Variants in ABCA13 observed in about 807,000 individuals in gnomAD.
ABCA13 encodes ATP binding cassette subfamily A member 13.
Under a neutral mutation model 478.7 loss-of-function variants are expected in ABCA13, and 476 were observed. The ratio of observed to expected loss-of-function variants is 0.99; its 90% confidence interval spans 0.92 to 1.07. The LOEUF is 1.07. Ranked by LOEUF, ABCA13 falls within the 50% of genes least tolerant of loss-of-function variation. The probability of loss-of-function intolerance (pLI) is 0.00; values close to 1 mark genes in which losing one functional copy is unlikely to be tolerated. For missense variants in ABCA13, 6,060 were observed against 5,910.6 expected (o/e 1.03, Z -0.83); for synonymous variants, 2,252 against 2,158.9 (o/e 1.04, Z -1.20).
intron 1 of ABCA13, among the ~76,000 whole-genome samples, chr7:48,192,727 C>A (rs1797266434): frequency 6.6e-6 from 1 of 151,866 alleles, no homozygotes; most frequent in Non-Finnish European, 1.5e-5. Flanking sequence ...TAAAAATGTG[C>A]AGAAAAAGGA....
intron 58 of ABCA13, among the ~76,000 whole-genome samples, chr7:48,606,351 T>C (rs1026914187): frequency 9.9e-5 from 15 of 152,190 alleles, no homozygotes; most frequent in African/African-American, 3.6e-4. Flanking sequence ...TCTTCATGGA[T>C]TTATCTACCT....
At chr7:48,508,774 GC>G (rs1831430495) in intron 50 of ABCA13, among the ~76,000 whole-genome samples, 1 of 152,176 alleles carries the variant, frequency 6.6e-6, no homozygotes, top group African/African-American at 2.4e-5. Context: ...CATTTACTGA[GC>G]ACCTTCCATG....
At chr7:48,197,663 TGGTTGGGG>T (rs1315022437) in intron 2 of ABCA13, among the ~76,000 whole-genome samples, 1,902 of 152,196 alleles carry the variant, frequency 0.012, 18 homozygotes, top group Admixed American at 0.02. Context: ...AGGGAGGATA[TGGTTGGGG>T]ATGTGTAAAC....
At chr7:48,295,674 AC>A in intron 20 of ABCA13, 25 bp from the exon 21 acceptor site, 1 of 1,613,280 alleles carries the variant, frequency 6.2e-7, no homozygotes, top group Non-Finnish European at 8.5e-7. Flanking sequence ...TGTGCTTCTA[AC>A]CTATATCATT....
Position 48,352,061 on chromosome 7 carries a change from A to C in ABCA13, c.10382-120A>C, listed in dbSNP as rs1394272970. 3.1e-6 allele frequency: 3 copies of C among 967,882 alleles called. No homozygotes were observed. In the East Asian group the frequency reaches 7.4e-5, roughly 24 times the overall value. The allele number at this position is 967,882 out of a possible 1,614,324, so 60.0% of individuals were successfully genotyped here. A position where few individuals can be genotyped will look rare whatever the true frequency, so the allele number is the denominator to read the frequency against. On this transcript the variant is annotated intron_variant, in intron 30 of 61. Transcript: ENST00000435803. The stretch of plus-strand genomic sequence containing the variant: ...CTGCGGGCTGGGGCTCTGAGTCTGC[A>C]GGAGTGGAGGGCTGTGAGTCTCAGG...
intron 52 of ABCA13, among the ~76,000 whole-genome samples, chr7:48,519,456 G>C (rs191521894): frequency 6.6e-6 from 1 of 152,254 alleles, no homozygotes; most frequent in Non-Finnish European, 1.5e-5. Flanking sequence ...ACAAATTATA[G>C]TGTTAATTAA....
At chr7:48,415,325 G>A (rs923530624) in intron 41 of ABCA13, among the ~76,000 whole-genome samples, 4 of 152,040 alleles carry the variant, frequency 2.6e-5, no homozygotes, top group Non-Finnish European at 5.9e-5. Context: ...AATTTTTTTG[G>A]GGGGTTATCG....
intron 43 of ABCA13, among the ~76,000 whole-genome samples, chr7:48,463,469 G>A (rs905229752): frequency 6.6e-6 from 1 of 152,146 alleles, no homozygotes; most frequent in East Asian, 1.9e-4. Context: ...AGAGAGGGGA[G>A]GCTGAGGTCT....
chr7:48,338,299 A>G (rs994756585), intron 28 of ABCA13, 66 bp from the exon 29 acceptor site: 13 of 1,183,884 alleles, frequency 1.1e-5, no homozygotes, highest in African/African-American at 1.1e-4. Flanking sequence ...AATAAGTCTA[A>G]TAAGTATTAT....
Position 48,274,125 on chromosome 7 carries a change from G to A in ABCA13, c.4459G>A (p.Glu1487Lys). 6.2e-7 allele frequency: 1 copy of A among 1,607,006 alleles called. No individual in the cohort carries two copies. The highest frequency in any genetic ancestry group is 8.5e-7 in the Non-Finnish European group (1 of 1,176,478). The change falls in exon 17 of 62, where the codon GAG becomes AAG. Residue 1487 changes from glutamate to lysine, a missense_variant. Transcript: ENST00000435803. ...VFEKEKKPKF[E>K]ILLALLNDST... ...TGAAAAAGAGAAGAAACCTAAATTTGAGATTTTATTAGCTCTTTTAAATGA... is the reference window on the plus strand; with the variant it reads ...TGAAAAAGAGAAGAAACCTAAATTTAAGATTTTATTAGCTCTTTTAAATGA...
At chr7:48,211,770 G>A (rs1041297737) in intron 3 of ABCA13, among the ~76,000 whole-genome samples, 1 of 152,026 alleles carries the variant, frequency 6.6e-6, no homozygotes, top group Non-Finnish European at 1.5e-5. Flanking sequence ...GGAAGCAAAG[G>A]CCTGGAATCA....
chr7:48,256,534 C>G (rs1793411625), intron 15 of ABCA13, among the ~76,000 whole-genome samples: 1 of 152,138 alleles, frequency 6.6e-6, no homozygotes, highest in African/African-American at 2.4e-5. Flanking sequence ...GTTATTCCAG[C>G]ACCTTTTATT....
At chr7:48,378,219 T>C (rs1480233899) in intron 35 of ABCA13, among the ~76,000 whole-genome samples, 1 of 152,064 alleles carries the variant, frequency 6.6e-6, no homozygotes, top group Non-Finnish European at 1.5e-5. Context: ...TGGAGGAAGG[T>C]AATTGAACTC....
At chr7:48,588,061 ATCTT>A (rs749302561) in intron 57 of ABCA13, among the ~76,000 whole-genome samples, 19 of 152,078 alleles carry the variant, frequency 1.2e-4, no homozygotes, top group Non-Finnish European at 2.4e-4. Context: ...CTTTTTTTCT[ATCTT>A]TCTTCATCAA....
chr7:48,510,319 G>A (rs138329224), intron 50 of ABCA13, among the ~76,000 whole-genome samples: 177 of 152,310 alleles, frequency 1.2e-3, no homozygotes, highest in Middle Eastern at 6.8e-3. Context: ...TGGATGACGT[G>A]CAGGAAGAGG....
chr7:48,554,407 T>C (rs563548167), intron 55 of ABCA13, among the ~76,000 whole-genome samples: 2 of 152,070 alleles, frequency 1.3e-5, no homozygotes, highest in African/African-American at 4.8e-5. Context: ...CTGTAGATTG[T>C]TTTGGGAAAT....
intron 58 of ABCA13, among the ~76,000 whole-genome samples, chr7:48,598,864 A>C (rs1447498975): frequency 6.6e-6 from 1 of 152,022 alleles, no homozygotes; most frequent in Admixed American, 6.6e-5. Flanking sequence ...AGTTTTGTGT[A>C]TAGTATGAGA....
At chr7:48,439,917 T>C (rs1418096280) in intron 42 of ABCA13, among the ~76,000 whole-genome samples, 1 of 152,144 alleles carries the variant, frequency 6.6e-6, no homozygotes, top group African/African-American at 2.4e-5. Flanking sequence ...GAGGGGATTG[T>C]ACATGGGTTT....
intron 41 of ABCA13, among the ~76,000 whole-genome samples, chr7:48,426,033 G>T (rs568180282): frequency 6.6e-6 from 1 of 152,268 alleles, no homozygotes; most frequent in East Asian, 1.9e-4. Context: ...GAGCCACCGC[G>T]CCCGGCCTCT....
Sources: allele counts gnomAD v4.1 joint callset (sites outside exome capture counted in the v4.1 genomes callset), GRCh38; gene constraint gnomAD v4.1.1; transcripts MANE v1.5; gene names NCBI Gene and HGNC (gene_info 2026-07-23, HGNC 2026-07-21).